The following SLC1A5 variants were observed in gnomAD, a reference collection of about 807,000 sequenced individuals.
SLC1A5 encodes neutral amino acid transporter B(0).
SLC1A5 carries 25 observed loss-of-function variants against 34.9 expected under a neutral mutation model. The observed-to-expected ratio is 0.72, with a 90% confidence interval of 0.52 to 1.00. SLC1A5 has a LOEUF of 1.00. Ranked by LOEUF, SLC1A5 falls within the 50% of genes least tolerant of loss-of-function variation. The pLI is 0.00. For synonymous variants in SLC1A5, 351 were observed against 341.2 expected (o/e 1.03, Z -0.32); for missense variants, 637 against 740.0 (o/e 0.86, Z 1.61).
At chr19:46,778,646 T>TA in intron 5 of SLC1A5, 29 bp downstream of exon 5, 27 of 1,235,802 alleles carry the variant, frequency 2.2e-5, no homozygotes, top group East Asian at 7.2e-5. Flanking sequence ...GGATTAAACA[T>TA]CCCACCCTAG....
intron 4 of SLC1A5, among the ~76,000 whole-genome samples, chr19:46,779,859 T>C (rs944001487): frequency 1.8e-4 from 20 of 113,628 alleles, no homozygotes; most frequent in African/African-American, 4.6e-4. Context: ...ATGTCTCTCT[T>C]TTTTTTTTTT....
intron 4 of SLC1A5, among the ~76,000 whole-genome samples, chr19:46,780,491 G>A (rs1363893820): frequency 6.6e-6 from 1 of 151,860 alleles, no homozygotes. Flanking sequence ...GTAGTAGCTA[G>A]GATTAAAGGT....
Position 46,787,627 on chromosome 19 carries a change from G to A in SLC1A5, c.339C>T (p.Ile113=), listed in dbSNP as rs765448270. The change falls in exon 1 of 8, where the codon ATC becomes ATT. Residue 113 remains isoleucine, a synonymous_variant. Transcript: ENST00000542575. The surrounding 1 kb of genome is among the most constrained non-coding windows in gnomAD (Gnocchi z 5.2). ...IILPLVVCSL[I]GGAASLDPGA... ...CGGGGTCCAGGCTGGCGGCGCCGCCGATCAAGCTGCACACCACCAGCGGCA... is the reference window on the plus strand; with the variant it reads ...CGGGGTCCAGGCTGGCGGCGCCGCCAATCAAGCTGCACACCACCAGCGGCA... The A allele has an allele frequency of 1.3e-6, 2 of 1,571,966 alleles. No homozygotes were observed. The highest frequency in any genetic ancestry group is 2.3e-5 in the South Asian group (2 of 86,974).
intron 1 of SLC1A5, chr19:46,784,766 A>C: frequency 6.9e-7 from 1 of 1,452,644 alleles, no homozygotes; most frequent in Non-Finnish European, 9.1e-7. Context: ...AGCCTCCTTC[A>C]GCCCCAAGAG....
At chr19:46,776,949 G>A (rs887550556) in intron 7 of SLC1A5, 26 bp downstream of exon 7, 2 of 1,608,122 alleles carry the variant, frequency 1.2e-6, no homozygotes, top group Admixed American at 3.4e-5. Flanking sequence ...CCCTGGCCCT[G>A]CCCCAGTCTC....
Position 46,774,920 on chromosome 19 carries a change from T to C in SLC1A5, c.*590A>G, listed in dbSNP as rs1317754960. On this transcript the variant is annotated 3_prime_UTR_variant, in exon 8 of 8. Transcript: ENST00000542575. ...CACTCAATTTTATTGCTAAAAAAAA[T>C]GTCCTCTGGAGTGACAGCAGGTATT... The C allele has an allele frequency of 8.1e-6, 8 of 985,752 alleles. No homozygotes were observed. Among genetic ancestry groups the C allele is most frequent in the Non-Finnish European group, 8.4e-6 (7 of 829,978 alleles). 61.1% of individuals were successfully genotyped at this position (985,752 alleles called of 1,614,324 possible).
At chr19:46,784,223 A>G (rs1015384721) in intron 2 of SLC1A5, 79 bp from the exon 3 acceptor site, 10 of 1,107,030 alleles carry the variant, frequency 9.0e-6, no homozygotes, top group African/African-American at 3.1e-5. Flanking sequence ...CAATGCTCAA[A>G]GCCTGCCCTT....
At chr19:46,780,850 G>A (rs2055140591) in intron 4 of SLC1A5, among the ~76,000 whole-genome samples, 1 of 152,006 alleles carries the variant, frequency 6.6e-6, no homozygotes, top group South Asian at 2.1e-4. Flanking sequence ...TCGTGCCTTT[G>A]GTCCCAGCTG....
At chr19:46,786,075 G>A (rs1267708777) in intron 1 of SLC1A5, among the ~76,000 whole-genome samples, 1 of 149,580 alleles carries the variant, frequency 6.7e-6, no homozygotes. Context: ...AAAAAAGCAT[G>A]AGTTTATTGG....
At chr19:46,777,157 A>C in intron 6 of SLC1A5, 48 bp from the exon 7 acceptor site, 1 of 1,607,662 alleles carries the variant, frequency 6.2e-7, no homozygotes, top group Non-Finnish European at 8.5e-7. Context: ...TTGTGGGAGA[A>C]GATGGGGGTC....
Position 46,787,916 on chromosome 19 carries a change from G to T in SLC1A5, c.50C>A (p.Pro17His). The T allele has an allele frequency of 6.3e-7, 1 of 1,575,344 alleles. No homozygotes were observed. Among genetic ancestry groups the T allele is most frequent in the African/African-American group, 1.4e-5 (1 of 73,726 alleles). The change falls in exon 1 of 8, where the codon CCC becomes CAC. Residue 17 changes from proline to histidine, a missense_variant. By Grantham distance (77) the Pro-to-His change is moderately conservative. Coordinates refer to ENST00000542575, the MANE Select transcript of SLC1A5 (RefSeq NM_005628.3). This position sits in a 1 kb window ranked among gnomAD's most constrained non-coding sequence, Gnocchi z 5.2. Reference protein sequence around the residue: ...RDSKGLAAAEPTANGGLALAS... With the variant: ...RDSKGLAAAEHTANGGLALAS... ...CAGCGCCAGGCCCCCGTTGGCGGTG[G>T]GCTCCGCCGCTGCGAGCCCCTTGGA...
intron 3 of SLC1A5, 129 bp from the exon 4 acceptor site, chr19:46,782,678 C>A: frequency 9.6e-7 from 1 of 1,043,408 alleles, no homozygotes; most frequent in Non-Finnish European, 1.4e-6. Context: ...CCTCCCAAGG[C>A]TCCCAGTCCA....
chr19:46,775,186 C>G lies in SLC1A5; in HGVS notation c.*324G>C. The G allele has an allele frequency of 9.2e-7, 1 of 1,084,908 alleles. No individual in the cohort carries two copies. The highest frequency in any genetic ancestry group is 1.1e-6 in the Non-Finnish European group (1 of 891,066). The allele number at this position is 1,084,908 out of a possible 1,614,324, so 67.2% of individuals were successfully genotyped here. A position where few individuals can be genotyped will look rare whatever the true frequency, so the allele number is the denominator to read the frequency against. On this transcript the variant is annotated 3_prime_UTR_variant, in exon 8 of 8. Coordinates refer to ENST00000542575, the MANE Select transcript of SLC1A5 (RefSeq NM_005628.3). ...TGGGGGCTAGAATTCCCCATGGTGA[C>G]CTGTGACCTGCTCCCTGAGACAGGG...
At chr19:46,783,420 C>T (rs907892602) in intron 3 of SLC1A5, among the ~76,000 whole-genome samples, 32 of 147,578 alleles carry the variant, frequency 2.2e-4, no homozygotes, top group African/African-American at 8.0e-4. Flanking sequence ...GAACCGAGAT[C>T]ACGCCATTGC....
At chr19:46,779,138 G>A (rs192451270) in intron 4 of SLC1A5, among the ~76,000 whole-genome samples, 27 of 152,230 alleles carry the variant, frequency 1.8e-4, no homozygotes, top group Admixed American at 9.8e-4. Context: ...AAAACTCTCC[G>A]TGCAGGCCGG....
intron 1 of SLC1A5, among the ~76,000 whole-genome samples, chr19:46,786,562 C>T (rs980151746): frequency 2.0e-5 from 3 of 152,194 alleles, no homozygotes; most frequent in African/African-American, 7.2e-5. Flanking sequence ...GAACCCTGTT[C>T]CGTGACTCAT....
intron 2 of SLC1A5, 152 bp from the exon 3 acceptor site, chr19:46,784,296 T>A (rs2055170476): frequency 1.3e-6 from 1 of 782,162 alleles, no homozygotes; most frequent in South Asian, 1.7e-5. Flanking sequence ...GGATGATCAA[T>A]ACCCCCATTT....
chr19:46,775,479 C>A lies in SLC1A5; in HGVS notation c.*31G>T. On this transcript the variant is annotated 3_prime_UTR_variant, in exon 8 of 8. Transcript: ENST00000542575. Reference sequence around the variant, plus strand: ...ATAATCCAGTGTCCAAAGAGCACCCCCAGCAGGGCAGGGAAGGTCCCTCCC... The same window carrying A: ...ATAATCCAGTGTCCAAAGAGCACCCACAGCAGGGCAGGGAAGGTCCCTCCC... 1 of 1,576,996 alleles carries A rather than the reference C, an allele frequency of 6.3e-7. No individual in the cohort carries two copies. The highest frequency in any genetic ancestry group is 1.2e-5 in the South Asian group (1 of 83,926).
chr19:46,782,248 T>C, intron 4 of SLC1A5, 135 bp downstream of exon 4: 2 of 680,560 alleles, frequency 2.9e-6, no homozygotes, highest in Non-Finnish European at 5.0e-6. Flanking sequence ...CAATGCTGGA[T>C]TTAAATGCAG....
Sources: gnomAD v4.1 joint callset for allele counts (sites outside exome capture counted in the v4.1 genomes callset) on GRCh38, gnomAD v4.1.1 for gene constraint, Gnocchi (gnomAD v3.1) non-coding constraint, MANE v1.5 for transcripts, NCBI Gene and HGNC (gene_info 2026-07-23, HGNC 2026-07-21) for gene names.